The following SEMA3A variants were observed in gnomAD, a reference collection of about 807,000 sequenced individuals.
The protein encoded by SEMA3A is semaphorin 3A.
In SEMA3A, 29 loss-of-function variants were observed where a neutral mutation model predicts 97.9. The ratio of observed to expected loss-of-function variants is 0.30; its 90% CI spans 0.22 to 0.40. The LOEUF (loss-of-function observed/expected upper bound fraction) is 0.40, where lower values mean the gene tolerates loss of function less well. Ranked by LOEUF, SEMA3A falls within the 10% of genes least tolerant of loss-of-function variation. The pLI is 1.00. For synonymous variants in SEMA3A, 321 were observed against 323.7 expected (o/e 0.99, Z 0.09); for missense variants, 763 against 951.3 (o/e 0.80, Z 2.60).
chr7:84,193,549 A>G (rs1055365382), intron 1 of SEMA3A, among the ~76,000 whole-genome samples: 4 of 152,070 alleles, frequency 2.6e-5, no homozygotes, highest in African/African-American at 9.6e-5. Flanking sequence ...CTCCATTTTA[A>G]TAATACCTGA....
intron 2 of SEMA3A, among the ~76,000 whole-genome samples, chr7:84,354,793 C>T (rs888142624): frequency 7.9e-5 from 12 of 151,594 alleles, no homozygotes; most frequent in Admixed American, 2.0e-4. Flanking sequence ...GTATGCCCCA[C>T]ACGCAGAACA....
intron 7 of SEMA3A, among the ~76,000 whole-genome samples, chr7:84,012,890 CACCTT>C (rs998597326): frequency 3.3e-5 from 5 of 152,036 alleles, no homozygotes. Context: ...TACTTTTAAA[CACCTT>C]AGAGATTTTT....
chr7:84,288,832 A>G lies in SEMA3A; in HGVS notation c.-83+18375T>C, dbSNP rs1481205523. Among the ~76,000 whole-genome samples the G allele has an allele frequency of 2.0e-5, 3 of 152,172 alleles. No individual in the cohort carries two copies. In the East Asian group the frequency reaches 5.8e-4, roughly 29 times the overall value. ...AAAGAGTATGAGGTTCCACAAAAAA[A>G]CTGTATAATCCAGCAATCCCACTAC... is the stretch of plus-strand genomic sequence containing the variant. On this transcript the variant is annotated intron_variant, in intron 3 of 3. Transcript: ENST00000424555.
In SEMA3A at chr7:84,180,381, A is replaced by AT. The variant is rs546904363; in HGVS notation, c.112+14093dup. On this transcript the variant is annotated intron_variant, in intron 1 of 16. Transcript: ENST00000265362. ...TTAATTCTATTTTTGAAAATTTTGTATTTTTTAAAAAATTAACCTGACGAG... is the reference window on the plus strand; with the variant it reads ...TTAATTCTATTTTTGAAAATTTTGTATTTTTTTAAAAAATTAACCTGACGAG... Among the ~76,000 whole-genome samples, 177 of 151,942 alleles carry AT rather than the reference A, an allele frequency of 1.2e-3. 1 individual carries two copies. Among genetic ancestry groups the AT allele is most frequent in the African/African-American group, 4.1e-3 (170 of 41,478 alleles).
intron 12 of SEMA3A, among the ~76,000 whole-genome samples, chr7:83,986,577 G>A (rs34233210): frequency 0.39 from 59,267 of 151,914 alleles, 12,089 homozygotes; most frequent in Middle Eastern, 0.49. Context: ...AACATTATGT[G>A]TCTTTCATTC....
chr7:84,226,620 T>C (rs1798995302), intron 3 of SEMA3A, among the ~76,000 whole-genome samples: 1 of 152,102 alleles, frequency 6.6e-6, no homozygotes, highest in Admixed American at 6.6e-5. Context: ...CAAAAATTTA[T>C]AGCCAATATT....
At chr7:84,112,315 G>A (rs554036309) in intron 3 of SEMA3A, among the ~76,000 whole-genome samples, 2 of 152,228 alleles carry the variant, frequency 1.3e-5, no homozygotes, top group East Asian at 3.9e-4. Flanking sequence ...TGTACATATT[G>A]GTAAGCAAAC....
chr7:84,058,731 G>C (rs1793095231), intron 5 of SEMA3A, among the ~76,000 whole-genome samples: 1 of 152,140 alleles, frequency 6.6e-6, no homozygotes, highest in Non-Finnish European at 1.5e-5. Context: ...ACTTCCATCT[G>C]AAAGTTCTTT....
intron 1 of SEMA3A, among the ~76,000 whole-genome samples, chr7:84,426,088 G>A (rs1214246779): frequency 6.6e-6 from 1 of 151,632 alleles, no homozygotes; most frequent in Non-Finnish European, 1.5e-5. Flanking sequence ...GGAAGGGTGG[G>A]AGGGGCGTGA....
chr7:83,985,608 G>A, intron 12 of SEMA3A, 131 bp from the exon 13 acceptor site: 2 of 712,548 alleles, frequency 2.8e-6, no homozygotes, highest in Middle Eastern at 2.5e-4. Flanking sequence ...ATGTGACTGG[G>A]AAATAAGACA....
chr7:84,079,173 G>A (rs1010075721), intron 4 of SEMA3A, among the ~76,000 whole-genome samples: 4 of 151,868 alleles, frequency 2.6e-5, no homozygotes, highest in Non-Finnish European at 5.9e-5. Flanking sequence ...TGTTTGATGT[G>A]AAAAATTGTA....
chr7:84,348,516 T>C (rs1259816619), intron 2 of SEMA3A, among the ~76,000 whole-genome samples: 3 of 152,204 alleles, frequency 2.0e-5, no homozygotes, highest in East Asian at 1.9e-4. Context: ...AGAAGGAATA[T>C]AGTAGTTACA....
chr7:84,281,023 C>T (rs1437727872), intron 3 of SEMA3A, among the ~76,000 whole-genome samples: 3 of 152,088 alleles, frequency 2.0e-5, no homozygotes, highest in Admixed American at 2.0e-4. Context: ...TCCTTGCCAC[C>T]TCCTTTACTT....
intron 3 of SEMA3A, among the ~76,000 whole-genome samples, chr7:84,231,520 A>G (rs1799114843): frequency 2.0e-5 from 3 of 151,998 alleles, no homozygotes; most frequent in Admixed American, 1.3e-4. Flanking sequence ...GCATTCTACA[A>G]CTAAAATAAA....
intron 4 of SEMA3A, among the ~76,000 whole-genome samples, chr7:84,076,798 C>A (rs957708400): frequency 2.0e-5 from 3 of 152,104 alleles, no homozygotes; most frequent in African/African-American, 7.2e-5. Flanking sequence ...TGTACATGCA[C>A]AGAGCCCTTA....
rs182968556 is a variant in SEMA3A at position 84,040,959 on chromosome 7, C to T, written c.667+5365G>A. Among the ~76,000 whole-genome samples the T allele has an allele frequency of 2.7e-3, 414 of 152,184 alleles. 2 individuals carry two copies. Among genetic ancestry groups the T allele is most frequent in the African/African-American group, 9.2e-3 (381 of 41,538 alleles). ...CTTCTAAATCTTAGATTCCTACTCT[C>T]ATCAACTGTTAATTTCAAAGTAAGA... On this transcript the variant is annotated intron_variant, in intron 6 of 16. Transcript: ENST00000265362.
At chr7:84,130,877 A>G (rs1795942238) in intron 2 of SEMA3A, among the ~76,000 whole-genome samples, 1 of 152,068 alleles carries the variant, frequency 6.6e-6, no homozygotes, top group Non-Finnish European at 1.5e-5. Context: ...TATGTTTAAA[A>G]ACAAAAGTTA....
chr7:84,425,354 T>C (rs1193711998), intron 1 of SEMA3A, among the ~76,000 whole-genome samples: 51 of 129,628 alleles, frequency 3.9e-4, no homozygotes, highest in Non-Finnish European at 7.4e-4. Context: ...TATAAATATA[T>C]ACATATACTA....
chr7:84,134,746 T>C, intron 2 of SEMA3A, 48 bp downstream of exon 2: 1 of 1,357,846 alleles, frequency 7.4e-7, no homozygotes, highest in South Asian at 1.5e-5. Flanking sequence ...TATCTATAAC[T>C]TGAGATGCTT....
Sources: gnomAD v4.1 joint callset for allele counts (sites outside exome capture counted in the v4.1 genomes callset) on GRCh38, gnomAD v4.1.1 for gene constraint, MANE v1.5 for transcripts, NCBI Gene and HGNC (gene_info 2026-07-23, HGNC 2026-07-21) for gene names.